Variants in OTUD7A observed in about 807,000 individuals in gnomAD.
OTUD7A encodes the protein OTU domain-containing protein 7A.
In OTUD7A, 12 loss-of-function variants were observed where a neutral mutation model predicts 65.7. The observed-to-expected ratio is 0.18, with a 90% CI of 0.12 to 0.30. The LOEUF (loss-of-function observed/expected upper bound fraction) is 0.30. Among genes scored for constraint, OTUD7A ranks in the 10% least tolerant of loss-of-function variants. OTUD7A has a pLI of 1.00. For missense variants in OTUD7A, 1,148 were observed against 1,304.8 expected, an observed-to-expected ratio of 0.88 and a Z score of 1.85; for synonymous variants, 641 against 586.3, an observed-to-expected ratio of 1.09 and a Z score of -1.35.
chr15:31,604,499 C>T (rs151226572), intron 3 of OTUD7A, among the ~76,000 whole-genome samples: 308 of 152,170 alleles, frequency 2.0e-3, no homozygotes, highest in Middle Eastern at 6.8e-3. Context: ...ATGTAGATGA[C>T]GGGTTGATGG....
intron 3 of OTUD7A, among the ~76,000 whole-genome samples, chr15:31,611,375 G>C (rs186533257): frequency 6.6e-6 from 1 of 152,252 alleles, no homozygotes; most frequent in Admixed American, 6.5e-5. Context: ...CAAAAAGCTG[G>C]TTCTTTGAAA....
intron 1 of OTUD7A, among the ~76,000 whole-genome samples, chr15:31,659,060 TAAATAAATAAATAAATAAATA>T (rs66671713): frequency 0.056 from 6,470 of 114,890 alleles, 295 homozygotes; most frequent in African/African-American, 0.14. Flanking sequence ...AATAAATAAA[TAAATAAATAAATAAATAAATA>T]AAATAAAATT....
At chr15:31,753,347 G>T (rs1243016921) in intron 1 of OTUD7A, among the ~76,000 whole-genome samples, 1 of 151,850 alleles carries the variant, frequency 6.6e-6, no homozygotes, top group South Asian at 2.1e-4. Flanking sequence ...GTGGTGTTTG[G>T]TTACACGAGT....
rs181636765 is a variant in OTUD7A at position 31,647,809 on chromosome 15, T to C, written c.151+7287A>G. Among the ~76,000 whole-genome samples, 413 of 152,140 alleles carry C rather than the reference T, an allele frequency of 2.7e-3. 1 individual carries two copies. Among genetic ancestry groups the C allele is most frequent in the Non-Finnish European group, 4.0e-3 (269 of 68,010 alleles). On this transcript the variant is annotated intron_variant, in intron 3 of 12. Transcript: ENST00000307050. ...GGCAAACAGTGAACAAAACCTTGTA[T>C]GGTCCTTGCTGTCGGGGAGTTCATG... is the stretch of plus-strand genomic sequence containing the variant.
chr15:31,536,333 G>A (rs1887802166), intron 5 of OTUD7A, among the ~76,000 whole-genome samples: 1 of 152,154 alleles, frequency 6.6e-6, no homozygotes, highest in Non-Finnish European at 1.5e-5. Context: ...TTTAAAAATT[G>A]CTTCAAGCTT....
intron 1 of OTUD7A, among the ~76,000 whole-genome samples, chr15:31,799,811 T>G (rs571418624): frequency 6.6e-6 from 1 of 152,132 alleles, no homozygotes. Flanking sequence ...AATGCCTGGC[T>G]GCTGCTTGAC....
intron 3 of OTUD7A, among the ~76,000 whole-genome samples, chr15:31,585,626 C>T (rs1408020441): frequency 6.6e-6 from 1 of 152,194 alleles, no homozygotes; most frequent in Non-Finnish European, 1.5e-5. Flanking sequence ...ACTCCTCTAC[C>T]CTTCCAGCTG....
At position 31,772,645 on chromosome 15, in the gene OTUD7A, T is replaced by G. The variant is rs374381575; in HGVS notation, c.-100+97862A>C. On this transcript the variant is annotated intron_variant, in intron 1 of 12. Transcript: ENST00000307050. ...CTAGGACATTTGAAAGCCCCCCAGC[T>G]GATTTCAATGTGCAGCAAAGTTGGG... Among the ~76,000 whole-genome samples, 197 of 152,366 alleles carry G rather than the reference T, an allele frequency of 1.3e-3. 1 individual carries two copies. In the South Asian group the frequency reaches 0.022, roughly 17 times the overall value.
intron 1 of OTUD7A, among the ~76,000 whole-genome samples, chr15:31,753,148 G>A (rs925359167): frequency 1.3e-5 from 2 of 152,080 alleles, no homozygotes; most frequent in Non-Finnish European, 2.9e-5. Flanking sequence ...CTTGATTCAA[G>A]CTAAGGTGCC....
intron 1 of OTUD7A, among the ~76,000 whole-genome samples, chr15:31,782,496 G>C (rs1895566513): frequency 6.6e-6 from 1 of 152,138 alleles, no homozygotes; most frequent in Non-Finnish European, 1.5e-5. Context: ...CAGATGCTAG[G>C]ATTCACAGGA....
At chr15:31,567,272 C>G (rs916289230) in intron 4 of OTUD7A, among the ~76,000 whole-genome samples, 1 of 152,200 alleles carries the variant, frequency 6.6e-6, no homozygotes, top group African/African-American at 2.4e-5. Flanking sequence ...TTTGCCTTAG[C>G]AAAGAGCTCA....
At chr15:31,493,301 A>G (rs1206199483) in intron 10 of OTUD7A, among the ~76,000 whole-genome samples, 1 of 152,232 alleles carries the variant, frequency 6.6e-6, no homozygotes, top group African/African-American at 2.4e-5. Flanking sequence ...GAGGAACATT[A>G]CATAATGCTA....
chr15:31,782,896 G>C (rs1406895375), intron 1 of OTUD7A, among the ~76,000 whole-genome samples: 1 of 152,146 alleles, frequency 6.6e-6, no homozygotes, highest in African/African-American at 2.4e-5. Flanking sequence ...CTAGTAAACT[G>C]AACTGGAGTT....
intron 7 of OTUD7A, 125 bp downstream of exon 7, chr15:31,527,056 G>A (rs2042024645): frequency 7.2e-7 from 1 of 1,383,706 alleles, no homozygotes; most frequent in Non-Finnish European, 9.8e-7. Context: ...CTGATCCCAG[G>A]GGCTGTTTCT....
At chr15:31,647,181 A>C (rs1055589545) in intron 3 of OTUD7A, among the ~76,000 whole-genome samples, 1 of 151,644 alleles carries the variant, frequency 6.6e-6, no homozygotes, top group Non-Finnish European at 1.5e-5. Flanking sequence ...GCCCCGGCCA[A>C]GGGCCATCAC....
At chr15:31,560,319 C>T (rs1213157664) in intron 4 of OTUD7A, among the ~76,000 whole-genome samples, 3 of 152,178 alleles carry the variant, frequency 2.0e-5, no homozygotes, top group East Asian at 1.9e-4. Context: ...ATTCTTTTGC[C>T]ACAGCACTCT....
intron 1 of OTUD7A, among the ~76,000 whole-genome samples, chr15:31,702,429 G>A (rs1178899536): frequency 2.7e-5 from 4 of 149,616 alleles, no homozygotes; most frequent in Admixed American, 6.6e-5. Context: ...CATGACACAA[G>A]GTCAACATAA....
intron 10 of OTUD7A, among the ~76,000 whole-genome samples, chr15:31,494,082 A>G (rs1436305417): frequency 6.6e-6 from 1 of 152,258 alleles, no homozygotes; most frequent in Admixed American, 6.5e-5. Flanking sequence ...TGGCAGACAT[A>G]CATTCTCTGG....
chr15:31,799,892 G>A (rs1567029738), intron 1 of OTUD7A, among the ~76,000 whole-genome samples: 1 of 152,208 alleles, frequency 6.6e-6, no homozygotes, highest in East Asian at 1.9e-4. Context: ...AGATACGGGG[G>A]AAGCACCACT....
Sources: gnomAD v4.1 joint callset for allele counts (sites outside exome capture counted in the v4.1 genomes callset) on GRCh38, gnomAD v4.1.1 for gene constraint, MANE v1.5 for transcripts, NCBI Gene and HGNC (gene_info 2026-07-23, HGNC 2026-07-21) for gene names.